Variants in SERPINB13 observed in about 807,000 individuals in gnomAD.
SERPINB13 encodes serpin family B member 13.
A neutral mutation model predicts 31.2 loss-of-function variants in SERPINB13; 26 were observed. The observed-to-expected ratio is 0.83, with a 90% CI of 0.61 to 1.15. The LOEUF is 1.15. Among genes scored for constraint, SERPINB13 ranks in the 50% most tolerant of loss-of-function variants. The pLI, the probability that SERPINB13 is intolerant of heterozygous loss-of-function variation, is 0.00. For synonymous variants in SERPINB13, 191 were observed against 172.4 expected, an observed-to-expected ratio of 1.11 and a Z score of -0.85; for missense variants, 510 against 469.4, an observed-to-expected ratio of 1.09 and a Z score of -0.80.
chr18:63,595,122 T>C lies in SERPINB13; in HGVS notation c.709T>C (p.Tyr237His), dbSNP rs748146788. ...DLQAKILGIP[Y>H]KNNDLSMFVL... Reference sequence around the variant, plus strand: ...GCAGGCCAAAATTCTAGGGATTCCATATAAAAACAACGACCTAAGCATGTT... The same window carrying C: ...GCAGGCCAAAATTCTAGGGATTCCACATAAAAACAACGACCTAAGCATGTT... The change falls in exon 7 of 8, where the codon TAT (tyrosine) becomes CAT (histidine). Residue 237 changes from tyrosine to histidine, a missense_variant. Transcript: ENST00000344731. 3 of 1,614,100 alleles carry C rather than the reference T, an allele frequency of 1.9e-6. No individual in the cohort carries two copies. In the South Asian group the frequency reaches 3.3e-5, roughly 18 times the overall value.
At position 63,592,888 on chromosome 18, in the gene SERPINB13, C is replaced by T; in HGVS notation, c.389C>T (p.Ala130Val). ...GATTATGTTGAAAAATATTATCATG[C>T]ATCTCTGGAACCTGTTGATTTTGTA... ...YLDYVEKYYH[A>V]SLEPVDFVNA... Residue 130 changes from alanine to valine, a missense_variant, in exon 5 of 8, where the codon GCA (alanine) becomes GTA (valine). Ala to Val is a moderately conservative substitution (Grantham distance 64). Coordinates refer to ENST00000344731, the MANE Select transcript of SERPINB13 (RefSeq NM_012397.4). The T allele has an allele frequency of 6.2e-7, 1 of 1,608,818 alleles. No homozygotes were observed. The highest frequency in any genetic ancestry group is 8.5e-7 in the Non-Finnish European group (1 of 1,176,920).
In SERPINB13 at chr18:63,598,545, T is replaced by TA. The variant is rs1392465691; in HGVS notation, c.*1183dup. ...TATTTTGTGTCTGGCGTCTTGCACTTAGCATGGTGTTCTTGAGGTTCATCT... is the reference window on the plus strand; with the variant it reads ...TATTTTGTGTCTGGCGTCTTGCACTTAAGCATGGTGTTCTTGAGGTTCATCT... On this transcript the variant is annotated 3_prime_UTR_variant, in exon 8 of 8. Transcript: ENST00000344731. The TA allele has an allele frequency of 6.6e-6, 1 of 152,176 alleles. No homozygotes were observed. Among genetic ancestry groups the TA allele is most frequent in the Non-Finnish European group, 1.5e-5 (1 of 68,000 alleles). 9.4% of individuals were successfully genotyped at this position (152,176 alleles called of 1,614,324 possible).
rs766695583 is a variant in SERPINB13 at position 63,598,331 on chromosome 18, A to G, written c.*968A>G. On this transcript the variant is annotated 3_prime_UTR_variant, in exon 8 of 8. Coordinates refer to ENST00000344731, the MANE Select transcript of SERPINB13 (RefSeq NM_012397.4). Reference sequence around the variant, plus strand: ...TAAAATGTACACACTGTAATTTTATAATTCATTGACTTTTAGTAAATTTCT... The same window carrying G: ...TAAAATGTACACACTGTAATTTTATGATTCATTGACTTTTAGTAAATTTCT... 3 of 152,150 alleles carry G rather than the reference A, an allele frequency of 2.0e-5. No individual in the cohort carries two copies. The highest frequency in any genetic ancestry group is 6.5e-5 in the Admixed American group (1 of 15,274). The allele number at this position is 152,150 out of a possible 1,614,324, so 9.4% of individuals were successfully genotyped here.
intron 2 of SERPINB13, 37 bp from the exon 3 acceptor site, chr18:63,589,619 C>T (rs748087422): frequency 1.9e-6 from 3 of 1,605,440 alleles, no homozygotes; most frequent in Non-Finnish European, 2.6e-6. Flanking sequence ...GTTTTCTCTT[C>T]TCTGAGCACC....
At position 63,589,699 on chromosome 18, in the gene SERPINB13, C is replaced by T. The variant is rs1911736808; in HGVS notation, c.209C>T (p.Ala70Val). 6.2e-7 allele frequency: 1 copy of T among 1,612,764 alleles called. No homozygotes were observed. The highest frequency in any genetic ancestry group is 8.5e-7 in the Non-Finnish European group (1 of 1,179,096). ...EKETKSSRIKAEEKEVIENTE... is the reference protein window; with the variant it reads ...EKETKSSRIKVEEKEVIENTE... ...GAGACGAAGAGCTCAAGAATAAAGGCTGAAGAAAAAGAGGTGGTAAGAATA... is the reference window on the plus strand; with the variant it reads ...GAGACGAAGAGCTCAAGAATAAAGGTTGAAGAAAAAGAGGTGGTAAGAATA... Residue 70 changes from alanine (A) to valine (V), a missense_variant, in exon 3 of 8, where the codon GCT (alanine) becomes GTT (valine). Coordinates refer to ENST00000344731, the MANE Select transcript of SERPINB13 (RefSeq NM_012397.4).
intron 1 of SERPINB13, among the ~76,000 whole-genome samples, chr18:63,588,018 G>T (rs1468560017): frequency 6.6e-6 from 1 of 152,214 alleles, no homozygotes; most frequent in African/African-American, 2.4e-5. Context: ...CATGACCAGA[G>T]ATATGTGGTT....
chr18:63,588,223 G>A (rs993684659), intron 1 of SERPINB13, among the ~76,000 whole-genome samples: 5 of 152,150 alleles, frequency 3.3e-5, no homozygotes, highest in South Asian at 4.1e-4. Context: ...CTTGAGGCCC[G>A]TGGAGATTCT....
chr18:63,589,451 T>TCTCACACACA (rs1555678806), intron 2 of SERPINB13, among the ~76,000 whole-genome samples: 1 of 111,890 alleles, frequency 8.9e-6, no homozygotes, highest in African/African-American at 2.8e-5. Context: ...CAAAACTCCA[T>TCTCACACACA]CACACACACA....
rs774689658 is a variant in SERPINB13 at position 63,592,999 on chromosome 18, A to T, written c.472+28A>T. 4.4e-6 allele frequency: 6 copies of T among 1,355,320 alleles called. No individual in the cohort carries two copies. In the South Asian group the frequency reaches 5.0e-5, roughly 11 times the overall value. 84.0% of individuals were successfully genotyped at this position (1,355,320 alleles called of 1,614,324 possible). On this transcript the variant is annotated intron_variant, in intron 5 of 7. Transcript: ENST00000344731. ...AGAGTATGGGTGGGTCATTCATTGC[A>T]AAAAAACAAAAACAAAGAAACAAAC... is the stretch of plus-strand genomic sequence containing the variant.
At position 63,592,373 on chromosome 18, in the gene SERPINB13, A is replaced by T. The variant is rs550914952; in HGVS notation, c.251A>T (p.Gln84Leu). ...EVIENTEAVH[Q>L]QFQKFLTEIS... Reference sequence around the variant, plus strand: ...ATTGAGAACACAGAAGCAGTACATCAACAATTCCAAAAGTTTTTGACTGAA... The same window carrying T: ...ATTGAGAACACAGAAGCAGTACATCTACAATTCCAAAAGTTTTTGACTGAA... Residue 84 changes from glutamine to leucine, a missense_variant, in exon 4 of 8, where the codon CAA becomes CTA. Transcript: ENST00000344731. 218 of 1,613,230 alleles carry T rather than the reference A, an allele frequency of 1.4e-4. 3 individuals are homozygous for T. The South Asian group carries it at 2.4e-3, about 18-fold the overall frequency.
At chr18:63,589,633 G>A (rs1203882995) in intron 2 of SERPINB13, 23 bp from the exon 3 acceptor site, 1 of 1,611,374 alleles carries the variant, frequency 6.2e-7, no homozygotes, top group African/African-American at 1.3e-5. Context: ...GAGCACCACA[G>A]TAATATTTTC....
chr18:63,588,602 A>C (rs968816412), intron 1 of SERPINB13, 49 bp from the exon 2 acceptor site: 1 of 1,556,124 alleles, frequency 6.4e-7, no homozygotes, highest in East Asian at 2.2e-5. Context: ...TTCCCCTGAC[A>C]CAGAGTAATT....
Position 63,598,034 on chromosome 18 carries a change from C to A in SERPINB13, c.*671C>A, listed in dbSNP as rs970623345. On this transcript the variant is annotated 3_prime_UTR_variant, in exon 8 of 8. Transcript: ENST00000344731. ...GTTGATCAGTATTCCTCCTCTATCA[C>A]CTTTTTAGACTTTGTAAGGTAAATA... The A allele has an allele frequency of 6.6e-6, 1 of 151,702 alleles. No individual in the cohort carries two copies. The allele number at this position is 151,702 out of a possible 1,614,324, so 9.4% of individuals were successfully genotyped here. A position where few individuals can be genotyped will look rare whatever the true frequency, so the allele number is the denominator to read the frequency against.
At chr18:63,592,550 T>C (rs1261391775) in intron 4 of SERPINB13, 74 bp downstream of exon 4, 4 of 1,477,402 alleles carry the variant, frequency 2.7e-6, no homozygotes, top group Non-Finnish European at 9.3e-7. Flanking sequence ...GGACTATGGG[T>C]CCTGAAGTCG....
chr18:63,599,063 T>C lies in SERPINB13; in HGVS notation c.*1700T>C, dbSNP rs1433692458. The C allele has an allele frequency of 1.3e-5, 2 of 152,188 alleles. No homozygotes were observed. The highest frequency in any genetic ancestry group is 6.5e-5 in the Admixed American group (1 of 15,288). 9.4% of individuals were successfully genotyped at this position (152,188 alleles called of 1,614,324 possible). Reference sequence around the variant, plus strand: ...GTTTGACTTTGTTTGGTGAAATGTATACAAATCATTTGCTCATTTTTAATT... The same window carrying C: ...GTTTGACTTTGTTTGGTGAAATGTACACAAATCATTTGCTCATTTTTAATT... On this transcript the variant is annotated 3_prime_UTR_variant, in exon 8 of 8. Coordinates refer to ENST00000344731, the MANE Select transcript of SERPINB13 (RefSeq NM_012397.4).
chr18:63,588,655 C>G lies in SERPINB13; in HGVS notation c.-13C>G, dbSNP rs775473828. 2 of 1,613,926 alleles carry G rather than the reference C, an allele frequency of 1.2e-6. No homozygotes were observed. Among genetic ancestry groups the G allele is most frequent in the East Asian group, 4.5e-5 (2 of 44,884 alleles). ...TTGTTGTTCTTGCTATTCTAGGTCT[C>G]GCTAAAATCATCATGGATTCACTTG... is the stretch of plus-strand genomic sequence containing the variant. On this transcript the variant is annotated 5_prime_UTR_variant, in exon 2 of 8. Transcript: ENST00000344731.
At chr18:63,593,707 T>C (rs1259553744) in intron 5 of SERPINB13, among the ~76,000 whole-genome samples, 1 of 47,540 alleles carries the variant, frequency 2.1e-5, no homozygotes, top group South Asian at 6.2e-4. Context: ...ATTCAGAATG[T>C]GTTTTTTTTT....
rs1911906813 is a variant in SERPINB13 at position 63,592,391 on chromosome 18, T to C, written c.269T>C (p.Leu90Ser). ...GTACATCAACAATTCCAAAAGTTTTTGACTGAAATAAGCAAACTCACTAAT... is the reference window on the plus strand; with the variant it reads ...GTACATCAACAATTCCAAAAGTTTTCGACTGAAATAAGCAAACTCACTAAT... ...EAVHQQFQKFLTEISKLTNDY... is the reference protein window; with the variant it reads ...EAVHQQFQKFSTEISKLTNDY... The change falls in exon 4 of 8, where the codon TTG becomes TCG. Residue 90 changes from leucine (L) to serine (S), a missense_variant. Physicochemically the swap from Leu to Ser is moderately radical, Grantham distance 145 (BLOSUM62 -2). Transcript: ENST00000344731. 2 of 1,612,860 alleles carry C rather than the reference T, an allele frequency of 1.2e-6. No individual in the cohort carries two copies. The highest frequency in any genetic ancestry group is 8.5e-7 in the Non-Finnish European group (1 of 1,179,434).
At chr18:63,594,530 T>A in intron 6 of SERPINB13, 33 bp downstream of exon 6, 1 of 1,608,348 alleles carries the variant, frequency 6.2e-7, no homozygotes, top group Non-Finnish European at 8.5e-7. Context: ...GTGATGTGCT[T>A]ACACATGGAA....
Sources: gnomAD v4.1 joint callset for allele counts (sites outside exome capture counted in the v4.1 genomes callset) on GRCh38, gnomAD v4.1.1 for gene constraint, MANE v1.5 for transcripts, NCBI Gene and HGNC (gene_info 2026-07-23, HGNC 2026-07-21) for gene names.